MACROD2: variants seen among roughly 807,000 people sequenced by gnomAD.
The protein encoded by MACROD2 is mono-ADP ribosylhydrolase 2, also known as ADP-ribose glycohydrolase MACROD2.
In MACROD2, 36 loss-of-function variants were observed where a neutral mutation model predicts 70.4. The observed-to-expected ratio is 0.51, with a 90% CI of 0.39 to 0.68. The LOEUF (loss-of-function observed/expected upper bound fraction) is 0.68. MACROD2 is among the 30% of genes least tolerant of loss of function. The pLI is 0.00. For missense variants in MACROD2, 496 were observed against 538.4 expected (o/e 0.92, Z 0.78); for synonymous variants, 172 against 178.8 (o/e 0.96, Z 0.30).
At chr20:14,051,514 G>A (rs2053566856) in intron 2 of MACROD2, among the ~76,000 whole-genome samples, 1 of 152,134 alleles carries the variant, frequency 6.6e-6, no homozygotes, top group Admixed American at 6.5e-5. Context: ...GGGTGAGGGT[G>A]TGACTGATAA....
chr20:15,043,749 C>T (rs1026224482), intron 5 of MACROD2, among the ~76,000 whole-genome samples: 13 of 152,156 alleles, frequency 8.5e-5, no homozygotes, highest in Non-Finnish European at 1.6e-4. Context: ...CCAGGCTTCC[C>T]GTATTTCTGA....
chr20:15,377,991 G>A (rs548258747), intron 6 of MACROD2, among the ~76,000 whole-genome samples: 66 of 152,188 alleles, frequency 4.3e-4, no homozygotes, highest in African/African-American at 1.4e-3. Flanking sequence ...GGGGCCTGTC[G>A]GTGGGTGGGG....
At chr20:14,548,494 G>A (rs187187283) in intron 4 of MACROD2, among the ~76,000 whole-genome samples, 1,959 of 66,450 alleles carry the variant, frequency 0.029, 693 homozygotes, top group South Asian at 0.062. Context: ...TGAGGCGGGC[G>A]GATCACGAGG....
chr20:15,899,035 T>G (rs2065021086), intron 10 of MACROD2, among the ~76,000 whole-genome samples: 1 of 151,846 alleles, frequency 6.6e-6, no homozygotes, highest in African/African-American at 2.4e-5. Context: ...TGTATATATA[T>G]GTACACATGT....
At chr20:15,457,760 A>G (rs1021832655) in intron 7 of MACROD2, among the ~76,000 whole-genome samples, 3 of 152,116 alleles carry the variant, frequency 2.0e-5, no homozygotes, top group Non-Finnish European at 4.4e-5. Context: ...AAGCTTAAAT[A>G]AATCTTGAGT....
chr20:15,183,702 C>G, intron 5 of MACROD2, among the ~76,000 whole-genome samples: 1 of 152,196 alleles, frequency 6.6e-6, no homozygotes, highest in East Asian at 1.9e-4. Flanking sequence ...GCAACATTGT[C>G]TTAAGCCCAA....
chr20:15,515,663 C>T (rs8116068), intron 8 of MACROD2, among the ~76,000 whole-genome samples: 28,153 of 152,128 alleles, frequency 0.19, 2,836 homozygotes, highest in Middle Eastern at 0.22. Context: ...ATTGAATGAA[C>T]GAATGTTTTG....
In MACROD2 at chr20:15,833,968, A is replaced by G. The variant is rs570764476; in HGVS notation, c.646-28777A>G. 2.0e-5 allele frequency among the ~76,000 whole-genome samples: 3 copies of G among 152,282 alleles called. No individual in the cohort carries two copies. In the East Asian group the frequency reaches 5.8e-4, roughly 29 times the overall value. ...TTTATTTCCAGTGCTTCCCCTTTCCAGGTGACTTTGGGTAACTCCTGCAAA... is the reference window on the plus strand; with the variant it reads ...TTTATTTCCAGTGCTTCCCCTTTCCGGGTGACTTTGGGTAACTCCTGCAAA... On this transcript the variant is annotated intron_variant, in intron 8 of 17. Transcript: ENST00000684519.
chr20:14,481,873 T>G (rs2084667780), intron 3 of MACROD2, among the ~76,000 whole-genome samples: 1 of 152,206 alleles, frequency 6.6e-6, no homozygotes, highest in South Asian at 2.1e-4. Context: ...AGATCAAATC[T>G]TAAACATTGC....
intron 8 of MACROD2, among the ~76,000 whole-genome samples, chr20:15,605,488 G>T (rs1322653031): frequency 6.6e-6 from 1 of 151,352 alleles, no homozygotes; most frequent in African/African-American, 2.4e-5. Flanking sequence ...GTGTGTGTGT[G>T]TATCAGTGTT....
rs1196733956 is a variant in MACROD2 at position 15,944,292 on chromosome 20, AT to A, written c.907+6749del. On this transcript the variant is annotated intron_variant, in intron 12 of 17. Coordinates refer to ENST00000684519, the MANE Select transcript of MACROD2 (RefSeq NM_001351661.2). ...AATGTGTGTTTATTACACAAAAAAA[AT>A]AAGCAAAAGAAGGAAGGAAAAATAT... 2.0e-5 allele frequency among the ~76,000 whole-genome samples: 3 copies of A among 152,168 alleles called. No homozygotes were observed. In the East Asian group the frequency reaches 5.8e-4, roughly 29 times the overall value.
At chr20:15,320,071 A>G (rs1203059650) in intron 6 of MACROD2, among the ~76,000 whole-genome samples, 1 of 151,956 alleles carries the variant, frequency 6.6e-6, no homozygotes, top group Admixed American at 6.6e-5. Flanking sequence ...GAGCGTGGTG[A>G]CTCATGCCTG....
Position 15,767,868 on chromosome 20 carries a change from C to T in MACROD2, c.646-94877C>T, listed in dbSNP as rs968175757. ...GATCTCTGCTAATCCCTTTAACCAC[C>T]GATTGCCAAAGACATTCACAACCCC... is the stretch of plus-strand genomic sequence containing the variant. On this transcript the variant is annotated intron_variant, in intron 8 of 17. Coordinates refer to ENST00000684519, the MANE Select transcript of MACROD2 (RefSeq NM_001351661.2). Among the ~76,000 whole-genome samples, 5 of 152,186 alleles carry T rather than the reference C, an allele frequency of 3.3e-5. No individual in the cohort carries two copies. The South Asian group carries it at 8.3e-4, about 25-fold the overall frequency.
intron 4 of MACROD2, among the ~76,000 whole-genome samples, chr20:14,651,641 A>T (rs1985685311): frequency 6.6e-6 from 1 of 152,238 alleles, no homozygotes; most frequent in Non-Finnish European, 1.5e-5. Context: ...TGTATCATGC[A>T]TAGTGGCATG....
chr20:15,207,677 G>A lies in MACROD2; in HGVS notation c.419-22263G>A, dbSNP rs552223357. ...AGGATGGTCTCAAACTCCTGACCTC[G>A]TGATCTGCCCACCTCGGCCTGCCAA... On this transcript the variant is annotated intron_variant, in intron 5 of 17. Coordinates refer to ENST00000684519, the MANE Select transcript of MACROD2 (RefSeq NM_001351661.2). Among the ~76,000 whole-genome samples the A allele has an allele frequency of 4.0e-5, 6 of 151,656 alleles. No homozygotes were observed. In the South Asian group the frequency reaches 8.3e-4, roughly 21 times the overall value.
At chr20:14,002,891 G>A (rs2052753479) in intron 2 of MACROD2, among the ~76,000 whole-genome samples, 1 of 152,164 alleles carries the variant, frequency 6.6e-6, no homozygotes, top group South Asian at 2.1e-4. Flanking sequence ...TGTATGTAAA[G>A]TATTTGTATG....
At chr20:14,039,612 T>C (rs917316560) in intron 2 of MACROD2, among the ~76,000 whole-genome samples, 2 of 152,070 alleles carry the variant, frequency 1.3e-5, no homozygotes, top group Admixed American at 1.3e-4. Context: ...TGCATATAAA[T>C]AAAGCAGGGA....
At chr20:15,150,971 G>A (rs1734916) in intron 5 of MACROD2, among the ~76,000 whole-genome samples, 58,886 of 151,716 alleles carry the variant, frequency 0.39, 12,551 homozygotes, top group East Asian at 0.64. Flanking sequence ...GTAATGTGGC[G>A]TGGGTAGCCT....
At chr20:15,115,969 TAAAAG>T (rs1481292225) in intron 5 of MACROD2, among the ~76,000 whole-genome samples, 2 of 152,068 alleles carry the variant, frequency 1.3e-5, no homozygotes, top group African/African-American at 2.4e-5. Context: ...GGAGGAATCT[TAAAAG>T]AAATAAAAAC....
Sources: gnomAD v4.1 joint callset for allele counts (sites outside exome capture counted in the v4.1 genomes callset) on GRCh38, gnomAD v4.1.1 for gene constraint, MANE v1.5 for transcripts, NCBI Gene and HGNC (gene_info 2026-07-23, HGNC 2026-07-21) for gene names.